Variants in TXNRD3 observed in about 807,000 individuals in gnomAD.
The protein encoded by TXNRD3 is thioredoxin reductase 3.
Under a neutral mutation model 78.2 loss-of-function variants are expected in TXNRD3, and 68 were observed. The observed-to-expected ratio is 0.87, with a 90% CI of 0.72 to 1.06. TXNRD3 has a LOEUF of 1.06. Among genes scored for constraint, TXNRD3 ranks in the 50% least tolerant of loss-of-function variants. The probability of loss-of-function intolerance (pLI) is 0.00; values close to 1 mark genes in which losing one functional copy is unlikely to be tolerated. For synonymous variants in TXNRD3, 296 were observed against 300.1 expected (o/e 0.99, Z 0.14); for missense variants, 751 against 809.5 (o/e 0.93, Z 0.88).
At chr3:126,626,346 T>G (rs1439568494) in intron 10 of TXNRD3, among the ~76,000 whole-genome samples, 2 of 152,062 alleles carry the variant, frequency 1.3e-5, no homozygotes, top group Non-Finnish European at 2.9e-5. Flanking sequence ...AAGATACTAC[T>G]GAAAAATACA....
intron 10 of TXNRD3, among the ~76,000 whole-genome samples, chr3:126,628,996 G>A (rs1938645539): frequency 6.6e-6 from 1 of 151,994 alleles, no homozygotes; most frequent in African/African-American, 2.4e-5. Context: ...ACATTGTTTG[G>A]AGATTTTGTA....
At chr3:126,639,035 G>C (rs1371060572) in intron 6 of TXNRD3, among the ~76,000 whole-genome samples, 3 of 152,172 alleles carry the variant, frequency 2.0e-5, no homozygotes, top group Admixed American at 1.3e-4. Flanking sequence ...TCTGCCTGCT[G>C]TGTCTCCAAC....
At chr3:126,609,248 C>T (rs116391627) in intron 14 of TXNRD3, 4,669 of 359,504 alleles carry the variant, frequency 0.013, 71 homozygotes, top group South Asian at 0.031. Flanking sequence ...TGATCTTCAA[C>T]AGTAAAAGCA....
chr3:126,622,518 T>A lies in TXNRD3; in HGVS notation c.1313A>T (p.Asp438Val). 2 of 1,533,870 alleles carry A rather than the reference T, an allele frequency of 1.3e-6. No individual in the cohort carries two copies. Among genetic ancestry groups the A allele is most frequent in the East Asian group, 2.4e-5 (1 of 40,876 alleles). The change falls in exon 11 of 16, where the codon GAC (aspartate) becomes GTC (valine). Residue 438 changes from aspartate (D) to valine (V), a missense_variant. By Grantham distance (152) the Asp-to-Val change is radical. Coordinates refer to ENST00000524230, the MANE Select transcript of TXNRD3 (RefSeq NM_052883.3). The stretch of plus-strand genomic sequence containing the variant: ...CAAGCCTATTTTCCTTGTACAGGAG[T>A]CACGACCAATAGCTAACAAAACCTG...
At chr3:126,647,142 C>T (rs1435487217) in intron 2 of TXNRD3, 94 bp downstream of exon 2, 15 of 980,116 alleles carry the variant, frequency 1.5e-5, no homozygotes, top group Non-Finnish European at 2.2e-5. Context: ...AACCCGAAGA[C>T]AAGAGTAATC....
intron 5 of TXNRD3, 115 bp from the exon 6 acceptor site, chr3:126,642,266 C>T (rs1307655612): frequency 1.5e-6 from 2 of 1,293,996 alleles, no homozygotes; most frequent in Non-Finnish European, 2.0e-6. Context: ...GGGATGACAC[C>T]CCACCCCAAA....
At chr3:126,642,285 C>T (rs568733074) in intron 5 of TXNRD3, 134 bp from the exon 6 acceptor site, 2 of 1,215,128 alleles carry the variant, frequency 1.6e-6, no homozygotes, top group East Asian at 5.4e-5. Flanking sequence ...AAATAAGACA[C>T]AAGGGATTAA....
At chr3:126,615,489 T>G (rs1938297232) in intron 12 of TXNRD3, 27 bp from the exon 13 acceptor site, 1 of 1,245,278 alleles carries the variant, frequency 8.0e-7, no homozygotes, top group Non-Finnish European at 1.1e-6. Context: ...TTACATTGTC[T>G]TATTTTGTGA....
chr3:126,652,649 T>C (rs930870758), intron 1 of TXNRD3, among the ~76,000 whole-genome samples: 1 of 152,188 alleles, frequency 6.6e-6, no homozygotes, highest in Non-Finnish European at 1.5e-5. Context: ...CTAATTGGTG[T>C]ATCTACATTT....
chr3:126,632,307 TG>T (rs1269096863), intron 7 of TXNRD3, among the ~76,000 whole-genome samples: 1 of 152,188 alleles, frequency 6.6e-6, no homozygotes, highest in Non-Finnish European at 1.5e-5. Flanking sequence ...AAGGCCCTTA[TG>T]TCATCCTAAC....
In TXNRD3 at chr3:126,612,239, T is replaced by C. The variant is rs557733277; in HGVS notation, c.1633-1107A>G. 5.9e-5 allele frequency among the ~76,000 whole-genome samples: 9 copies of C among 152,232 alleles called. No individual in the cohort carries two copies. In the South Asian group the frequency reaches 1.2e-3, roughly 21 times the overall value. On this transcript the variant is annotated intron_variant, in intron 13 of 15. Coordinates refer to ENST00000524230, the MANE Select transcript of TXNRD3 (RefSeq NM_052883.3). ...TTTCTGTAGAGATGGGGTGTCGCCATGTTGCCCCAGCTTGTCTCGAACTCC... is the reference window on the plus strand; with the variant it reads ...TTTCTGTAGAGATGGGGTGTCGCCACGTTGCCCCAGCTTGTCTCGAACTCC...
intron 10 of TXNRD3, among the ~76,000 whole-genome samples, 155 bp from the exon 11 acceptor site, chr3:126,622,695 C>T (rs1268307883): frequency 6.6e-6 from 1 of 152,168 alleles, no homozygotes; most frequent in Non-Finnish European, 1.5e-5. Context: ...AAATAGATTC[C>T]TTAAAAGACA....
chr3:126,654,599 A>G (rs897205607), intron 1 of TXNRD3, 149 bp downstream of exon 1: 6 of 339,260 alleles, frequency 1.8e-5, no homozygotes, highest in East Asian at 1.4e-4. Context: ...ACCTCAGGGG[A>G]CGACCGGGGA....
At chr3:126,613,130 C>G (rs1938235826) in intron 13 of TXNRD3, among the ~76,000 whole-genome samples, 1 of 152,214 alleles carries the variant, frequency 6.6e-6, no homozygotes, top group South Asian at 2.1e-4. Flanking sequence ...CTGTGGAAAA[C>G]AGTGATCTCT....
In TXNRD3 at chr3:126,622,468, C is replaced by G. The variant is rs1372969079; in HGVS notation, c.1363G>C (p.Glu455Gln). ...CAGTGATCCCAATATACTTACTTCT[C>G]ATTAATTTTGACACCAATCTTCTCC... Residue 455 changes from glutamate (E) to glutamine (Q), a missense_variant, in exon 11 of 16, where the codon GAG becomes CAG. Physicochemically the swap from Glu to Gln is conservative, Grantham distance 29. Transcript: ENST00000524230. 1 of 1,535,070 alleles carries G rather than the reference C, an allele frequency of 6.5e-7. No individual in the cohort carries two copies. The highest frequency in any genetic ancestry group is 8.7e-7 in the Non-Finnish European group (1 of 1,146,328).
intron 1 of TXNRD3, among the ~76,000 whole-genome samples, chr3:126,650,088 T>C (rs1266395863): frequency 6.6e-6 from 1 of 152,234 alleles, no homozygotes; most frequent in African/African-American, 2.4e-5. Context: ...AATGTATGAA[T>C]TCAGGACTGG....
At chr3:126,639,772 T>C (rs1019587441) in intron 6 of TXNRD3, among the ~76,000 whole-genome samples, 2 of 152,096 alleles carry the variant, frequency 1.3e-5, no homozygotes, top group Non-Finnish European at 2.9e-5. Context: ...TTTTCTATTT[T>C]TTGTAGAGAC....
At chr3:126,610,979 A>T in intron 14 of TXNRD3, 58 bp downstream of exon 14, 1 of 1,123,002 alleles carries the variant, frequency 8.9e-7, no homozygotes, top group Non-Finnish European at 1.2e-6. Flanking sequence ...TCCAAATACT[A>T]AAAATAAAAG....
chr3:126,631,923 G>C, intron 7 of TXNRD3, 44 bp from the exon 8 acceptor site: 1 of 1,316,200 alleles, frequency 7.6e-7, no homozygotes, highest in Non-Finnish European at 1.1e-6. Flanking sequence ...ACACTACAGA[G>C]TACCAGACAC....
Sources: allele counts gnomAD v4.1 joint callset (sites outside exome capture counted in the v4.1 genomes callset), GRCh38; gene constraint gnomAD v4.1.1; transcripts MANE v1.5; gene names NCBI Gene and HGNC (gene_info 2026-07-23, HGNC 2026-07-21).